HS3ST5: variants seen among roughly 807,000 people sequenced by gnomAD.
The protein encoded by HS3ST5 is heparan sulfate-glucosamine 3-sulfotransferase 5, also known as heparan sulfate glucosamine 3-O-sulfotransferase 5.
Under a neutral mutation model 25.4 loss-of-function variants are expected in HS3ST5, and 10 were observed. The observed-to-expected ratio is 0.39, with a 90% confidence interval of 0.24 to 0.67. HS3ST5 has a LOEUF of 0.67. HS3ST5 is among the 30% of genes least tolerant of loss of function. The pLI is 0.44. For missense variants in HS3ST5, 324 were observed against 420.7 expected (o/e 0.77, Z 2.01); for synonymous variants, 170 against 162.4 (o/e 1.05, Z -0.36).
chr6:114,136,808 A>C (rs946204352), intron 3 of HS3ST5, among the ~76,000 whole-genome samples: 2 of 152,200 alleles, frequency 1.3e-5, no homozygotes, highest in African/African-American at 2.4e-5. Flanking sequence ...AAATCATTCT[A>C]GACATTTTCA....
intron 2 of HS3ST5, among the ~76,000 whole-genome samples, chr6:114,193,762 T>C (rs1780613746): frequency 6.6e-6 from 1 of 152,166 alleles, no homozygotes; most frequent in East Asian, 1.9e-4. Flanking sequence ...AATATTACTA[T>C]TATGAGTGAA....
chr6:114,217,318 G>T (rs1781818295), intron 2 of HS3ST5, among the ~76,000 whole-genome samples: 1 of 152,038 alleles, frequency 6.6e-6, no homozygotes, highest in Non-Finnish European at 1.5e-5. Context: ...CAAAGCTGCA[G>T]GTTTAAAGCA....
chr6:114,277,045 T>C (rs1773887876), intron 1 of HS3ST5, among the ~76,000 whole-genome samples: 2 of 152,068 alleles, frequency 1.3e-5, no homozygotes, highest in South Asian at 2.1e-4. Context: ...CTTTCCCCAG[T>C]CTGACTTTCT....
At chr6:114,278,381 T>C (rs1483683745) in intron 1 of HS3ST5, among the ~76,000 whole-genome samples, 1 of 151,946 alleles carries the variant, frequency 6.6e-6, no homozygotes, top group Non-Finnish European at 1.5e-5. Context: ...TGCTTGCAAA[T>C]TTAACAATTC....
chr6:114,201,756 G>A (rs936329035), intron 2 of HS3ST5, among the ~76,000 whole-genome samples: 3 of 152,146 alleles, frequency 2.0e-5, no homozygotes, highest in African/African-American at 7.2e-5. Context: ...AAGGAAAGAG[G>A]TAATTTATAA....
chr6:114,252,515 C>T (rs1300553622), intron 1 of HS3ST5, among the ~76,000 whole-genome samples: 1 of 151,992 alleles, frequency 6.6e-6, no homozygotes, highest in African/African-American at 2.4e-5. Context: ...TAGATGGTTG[C>T]AAGAGAAACT....
At chr6:114,161,524 TATATATATATATATATATATATATATA>T (rs1778953012) in intron 3 of HS3ST5, among the ~76,000 whole-genome samples, 12 of 16,292 alleles carry the variant, frequency 7.4e-4, no homozygotes, top group African/African-American at 4.2e-3. Flanking sequence ...TGAAGTTTTA[TATATATATATATATATATATATATATA>T]TATATATATA....
chr6:114,317,943 CT>C (rs1562274275), intron 1 of HS3ST5, among the ~76,000 whole-genome samples: 1 of 152,126 alleles, frequency 6.6e-6, no homozygotes. Context: ...CTTAACATCA[CT>C]GTTAATTCAA....
intron 1 of HS3ST5, among the ~76,000 whole-genome samples, chr6:114,290,986 G>A (rs1219668658): frequency 2.0e-5 from 3 of 152,018 alleles, no homozygotes; most frequent in East Asian, 3.9e-4. Context: ...GAACCTAACA[G>A]TGCCCAATTC....
intron 1 of HS3ST5, among the ~76,000 whole-genome samples, chr6:114,322,255 T>G (rs573378538): frequency 6.6e-6 from 1 of 152,272 alleles, no homozygotes; most frequent in Admixed American, 6.5e-5. Flanking sequence ...TGTTTATATT[T>G]TCAATTTGTT....
At chr6:114,100,666 G>A (rs1456111429) in intron 3 of HS3ST5, among the ~76,000 whole-genome samples, 2 of 152,104 alleles carry the variant, frequency 1.3e-5, no homozygotes, top group African/African-American at 2.4e-5. Context: ...TTAATCACAC[G>A]ACATTTTCTT....
At chr6:114,237,057 T>A (rs1771891891) in intron 1 of HS3ST5, among the ~76,000 whole-genome samples, 1 of 152,262 alleles carries the variant, frequency 6.6e-6, no homozygotes, top group Non-Finnish European at 1.5e-5. Context: ...ATTTGCGACA[T>A]CTTCTTGACT....
At chr6:114,263,946 C>T (rs1223498572) in intron 1 of HS3ST5, among the ~76,000 whole-genome samples, 1 of 151,892 alleles carries the variant, frequency 6.6e-6, no homozygotes, top group Non-Finnish European at 1.5e-5. Context: ...ATCTCAATCA[C>T]ATAAAGCATA....
chr6:114,270,133 A>G (rs1203746549), intron 1 of HS3ST5, among the ~76,000 whole-genome samples: 3 of 152,226 alleles, frequency 2.0e-5, no homozygotes, highest in Non-Finnish European at 4.4e-5. Context: ...AGTTGATATG[A>G]TGCTGAGAAT....
intron 1 of HS3ST5, among the ~76,000 whole-genome samples, chr6:114,277,196 T>C (rs1773896280): frequency 6.6e-6 from 1 of 151,254 alleles, no homozygotes; most frequent in South Asian, 2.1e-4. Context: ...TCTATAAGGA[T>C]GATACATTAT....
intron 3 of HS3ST5, among the ~76,000 whole-genome samples, chr6:114,103,277 A>T (rs1775820241): frequency 6.6e-6 from 1 of 151,900 alleles, no homozygotes; most frequent in South Asian, 2.1e-4. Context: ...GGAATTAGAG[A>T]TTATTATCGC....
chr6:114,239,879 C>T (rs1483757738), intron 1 of HS3ST5, among the ~76,000 whole-genome samples: 1 of 152,084 alleles, frequency 6.6e-6, no homozygotes, highest in Non-Finnish European at 1.5e-5. Flanking sequence ...CCAACAAAAA[C>T]GTATAGCATA....
intron 3 of HS3ST5, among the ~76,000 whole-genome samples, chr6:114,135,313 C>T (rs546840808): frequency 5.3e-5 from 8 of 152,214 alleles, no homozygotes; most frequent in African/African-American, 1.9e-4. Context: ...CTGATATATA[C>T]GTTAAGTCAG....
At chr6:114,338,230 TA>T (rs1190310673) in intron 1 of HS3ST5, among the ~76,000 whole-genome samples, 33 of 151,882 alleles carry the variant, frequency 2.2e-4, no homozygotes, top group Admixed American at 1.9e-3. Flanking sequence ...ACAAGGTTAT[TA>T]AAAAACAGAT....
Sources: gnomAD v4.1 joint callset for allele counts (sites outside exome capture counted in the v4.1 genomes callset) on GRCh38, gnomAD v4.1.1 for gene constraint, MANE v1.5 for transcripts, NCBI Gene and HGNC (gene_info 2026-07-23, HGNC 2026-07-21) for gene names.